Variants in CPED1 observed in about 807,000 individuals in gnomAD.
CPED1 encodes cadherin-like and PC-esterase domain-containing protein 1.
In CPED1, 114 loss-of-function variants were observed where a neutral mutation model predicts 128.2. The observed-to-expected ratio is 0.89, with a 90% CI of 0.76 to 1.04. The LOEUF is 1.04. Ranked by LOEUF, CPED1 falls within the 50% of genes least tolerant of loss-of-function variation. The probability of loss-of-function intolerance (pLI) is 0.00; values close to 1 mark genes in which losing one functional copy is unlikely to be tolerated. For missense variants in CPED1, 1,211 were observed against 1,207.1 expected (o/e 1.00, Z -0.05); for synonymous variants, 462 against 426.7 (o/e 1.08, Z -1.02).
chr7:121,179,724 T>C (rs912978252), intron 16 of CPED1, among the ~76,000 whole-genome samples: 2 of 152,122 alleles, frequency 1.3e-5, no homozygotes, highest in African/African-American at 4.8e-5. Flanking sequence ...TATAGTTAGC[T>C]TCTTAGTCAA....
At chr7:121,271,521 T>C in intron 22 of CPED1, 91 bp downstream of exon 22, 1 of 1,313,636 alleles carries the variant, frequency 7.6e-7, no homozygotes, top group Non-Finnish European at 1.1e-6. Flanking sequence ...TTATTTTGCA[T>C]GAAACAAAAA....
Position 120,989,877 on chromosome 7 carries a change from C to T in CPED1, c.249+7C>T, listed in dbSNP as rs1796282602. 5 of 1,613,838 alleles carry T rather than the reference C, an allele frequency of 3.1e-6. No homozygotes were observed. Among genetic ancestry groups the T allele is most frequent in the Non-Finnish European group, 4.2e-6 (5 of 1,179,940 alleles). On this transcript the variant is annotated splice_region_variant and intron_variant, in intron 2 of 22. Coordinates refer to ENST00000310396, the MANE Select transcript of CPED1 (RefSeq NM_024913.5). ...TGCCCAGGAAACCAGAAAGGTAAGA[C>T]TCTCATAAGCTTAACGGAGACAGTT... is the stretch of plus-strand genomic sequence containing the variant.
In CPED1 at chr7:121,003,564, G is replaced by A. The variant is rs975244784; in HGVS notation, c.250-12101G>A. Among the ~76,000 whole-genome samples the A allele has an allele frequency of 2.1e-4, 32 of 152,266 alleles. 1 individual carries two copies. The highest frequency in any genetic ancestry group is 7.7e-4 in the African/African-American group (32 of 41,564). On this transcript the variant is annotated intron_variant, in intron 2 of 22. Coordinates refer to ENST00000310396, the MANE Select transcript of CPED1 (RefSeq NM_024913.5). Reference sequence around the variant, plus strand: ...TGTAGGAGCAAGAATCTGGCCATCTGATACTTAAACATTCTAGAATGAATA... The same window carrying A: ...TGTAGGAGCAAGAATCTGGCCATCTAATACTTAAACATTCTAGAATGAATA...
chr7:121,284,404 G>A (rs531312605), intron 22 of CPED1, among the ~76,000 whole-genome samples: 54 of 152,114 alleles, frequency 3.5e-4, no homozygotes, highest in Non-Finnish European at 6.5e-4. Context: ...ATTTCAAAAC[G>A]TAATCATGCC....
intron 16 of CPED1, among the ~76,000 whole-genome samples, chr7:121,181,698 G>T (rs1285973923): frequency 6.6e-6 from 1 of 151,964 alleles, no homozygotes; most frequent in East Asian, 1.9e-4. Flanking sequence ...TCAACCTTTA[G>T]TAAAATTGTT....
intron 5 of CPED1, among the ~76,000 whole-genome samples, chr7:121,065,908 T>C (rs928979042): frequency 1.3e-5 from 2 of 152,142 alleles, no homozygotes; most frequent in African/African-American, 4.8e-5. Context: ...CATCATGTTA[T>C]CTTTCTCTAG....
At chr7:121,258,931 A>G (rs907149176) in intron 18 of CPED1, among the ~76,000 whole-genome samples, 9 of 152,086 alleles carry the variant, frequency 5.9e-5, no homozygotes, top group Non-Finnish European at 1.3e-4. Context: ...CTTTGGGAAC[A>G]TATTAAAGTG....
At chr7:121,206,487 T>C (rs1797520176) in intron 16 of CPED1, among the ~76,000 whole-genome samples, 1 of 152,038 alleles carries the variant, frequency 6.6e-6, no homozygotes, top group South Asian at 2.1e-4. Context: ...ATAATGGTTG[T>C]TTTAATATTT....
chr7:121,142,415 G>C (rs897156463), intron 16 of CPED1, among the ~76,000 whole-genome samples: 1 of 151,926 alleles, frequency 6.6e-6, no homozygotes, highest in Non-Finnish European at 1.5e-5. Flanking sequence ...CTCACACTTA[G>C]TTGTGAAATC....
Position 120,995,933 on chromosome 7 carries a change from CCTCCTCCTTCTT to C in CPED1, c.249+6072_249+6083del, listed in dbSNP as rs1796392097. ...TTCTTCTCCTTCTCCTCCTCCTTCT[CCTCCTCCTTCTT>C]CTCCTCCTCCTCCTCCTCCTCCTCC... On this transcript the variant is annotated intron_variant, in intron 2 of 22. Transcript: ENST00000310396. 2.9e-5 allele frequency among the ~76,000 whole-genome samples: 4 copies of C among 139,598 alleles called. No individual in the cohort carries two copies. In the South Asian group the frequency reaches 9.4e-4, roughly 33 times the overall value. The allele number at this position is 139,598 out of a possible 152,430, so 91.6% of individuals were successfully genotyped here.
chr7:121,086,064 G>A (rs576778077), intron 5 of CPED1, among the ~76,000 whole-genome samples: 1 of 152,330 alleles, frequency 6.6e-6, no homozygotes, highest in East Asian at 1.9e-4. Flanking sequence ...TGACATGGTT[G>A]AGTAGAAAGG....
chr7:121,100,504 C>T (rs747760030), intron 7 of CPED1, among the ~76,000 whole-genome samples: 17 of 152,190 alleles, frequency 1.1e-4, no homozygotes, highest in Admixed American at 5.9e-4. Context: ...TTCATCACAC[C>T]AGTCAATATG....
intron 3 of CPED1, among the ~76,000 whole-genome samples, chr7:121,027,439 G>GA (rs1792619672): frequency 6.6e-6 from 1 of 151,966 alleles, no homozygotes; most frequent in African/African-American, 2.4e-5. Flanking sequence ...ATATGCAATT[G>GA]AAAAAACAAA....
At chr7:121,057,614 G>T (rs1439672758) in intron 4 of CPED1, among the ~76,000 whole-genome samples, 2 of 152,160 alleles carry the variant, frequency 1.3e-5, no homozygotes, top group Non-Finnish European at 2.9e-5. Flanking sequence ...CAAGATGAAG[G>T]CCACAAAAGG....
rs1792724451 is a variant in CPED1 at position 121,292,350 on chromosome 7, G to T, written c.2869-3090G>T. Reference sequence around the variant, plus strand: ...ATGCTTCATGAAGTTCTCGTGCTGTGTTTTTCAGCTCCATCGGGTCATTTA... The same window carrying T: ...ATGCTTCATGAAGTTCTCGTGCTGTTTTTTTCAGCTCCATCGGGTCATTTA... On this transcript the variant is annotated intron_variant, in intron 22 of 22. Transcript: ENST00000310396. Among the ~76,000 whole-genome samples, 4 of 151,614 alleles carry T rather than the reference G, an allele frequency of 2.6e-5. No homozygotes were observed. In the South Asian group the frequency reaches 8.3e-4, roughly 32 times the overall value.
At chr7:121,090,270 C>A (rs1231108382) in intron 5 of CPED1, among the ~76,000 whole-genome samples, 1 of 152,148 alleles carries the variant, frequency 6.6e-6, no homozygotes, top group African/African-American at 2.4e-5. Context: ...TGTCATTGAT[C>A]TGGCCACTTT....
intron 3 of CPED1, among the ~76,000 whole-genome samples, chr7:121,034,188 A>G (rs1382508628): frequency 1.3e-5 from 2 of 152,084 alleles, no homozygotes; most frequent in African/African-American, 2.4e-5. Context: ...TAAAGCATCA[A>G]ACTCAAAACA....
In CPED1 at chr7:120,996,190, G is replaced by A. The variant is rs565073707; in HGVS notation, c.249+6320G>A. Among the ~76,000 whole-genome samples, 7 of 152,146 alleles carry A rather than the reference G, an allele frequency of 4.6e-5. No individual in the cohort carries two copies. In the South Asian group the frequency reaches 1.5e-3, roughly 32 times the overall value. On this transcript the variant is annotated intron_variant, in intron 2 of 22. Coordinates refer to ENST00000310396, the MANE Select transcript of CPED1 (RefSeq NM_024913.5). ...CCCCAGCTACTCGAGAGGCCAAGGT[G>A]GGAGGATTGCTTGAGCCAGGGATGT...
rs374227602 is a variant in CPED1 at position 121,073,440 on chromosome 7, G to A, written c.616+9127G>A. On this transcript the variant is annotated intron_variant, in intron 5 of 22. Coordinates refer to ENST00000310396, the MANE Select transcript of CPED1 (RefSeq NM_024913.5). The stretch of plus-strand genomic sequence containing the variant: ...GGCATACTCAGTGAAGCTTTACAAA[G>A]TATATCATAATTTCTGTCTGACTTT... Among the ~76,000 whole-genome samples the A allele has an allele frequency of 2.0e-5, 3 of 152,110 alleles. No individual in the cohort carries two copies. The East Asian group carries it at 5.8e-4, about 29-fold the overall frequency.
Sources: gnomAD v4.1 joint callset for allele counts (sites outside exome capture counted in the v4.1 genomes callset) on GRCh38, gnomAD v4.1.1 for gene constraint, MANE v1.5 for transcripts, NCBI Gene and HGNC (gene_info 2026-07-23, HGNC 2026-07-21) for gene names.